Variants in BBS9 observed in about 807,000 individuals in gnomAD.
BBS9 encodes the protein Bardet-Biedl syndrome 9, also known as protein PTHB1.
A neutral mutation model predicts 117.7 loss-of-function variants in BBS9; 89 were observed. The ratio of observed to expected loss-of-function variants is 0.76; its 90% CI spans 0.64 to 0.90. The LOEUF (loss-of-function observed/expected upper bound fraction) is 0.90, where lower values mean the gene tolerates loss of function less well. Ranked by LOEUF, BBS9 falls within the 40% of genes least tolerant of loss-of-function variation. The pLI is 0.00. For synonymous variants in BBS9, 379 were observed against 370.9 expected (o/e 1.02, Z -0.25); for missense variants, 982 against 1,042.2 (o/e 0.94, Z 0.80).
At chr7:33,607,056 A>C (rs1369706277), downstream of BBS9, among the ~76,000 whole-genome samples, 41 of 152,072 alleles carry the variant, frequency 2.7e-4, no homozygotes, top group Non-Finnish European at 5.9e-5. Flanking sequence ...GCCTCTCTAC[A>C]TACCTCTCTC....
chr7:33,270,245 C>G (rs370140477), intron 7 of BBS9, among the ~76,000 whole-genome samples: 1 of 152,090 alleles, frequency 6.6e-6, no homozygotes, highest in Non-Finnish European at 1.5e-5. Flanking sequence ...AAGGAATACT[C>G]ATGCACACAG....
chr7:33,574,731 A>G (rs958532147), intron 21 of BBS9, among the ~76,000 whole-genome samples: 38 of 144,152 alleles, frequency 2.6e-4, no homozygotes, highest in East Asian at 1.8e-3. Context: ...ACACACGCGC[A>G]CACACACACA....
At chr7:33,438,292 G>A (rs1212778432) in intron 19 of BBS9, among the ~76,000 whole-genome samples, 2 of 152,104 alleles carry the variant, frequency 1.3e-5, no homozygotes, top group African/African-American at 4.8e-5. Flanking sequence ...TCCTAAGCAA[G>A]TTATAAAAAG....
At chr7:33,141,854 A>G (rs1460573188) in intron 1 of BBS9, among the ~76,000 whole-genome samples, 1 of 151,452 alleles carries the variant, frequency 6.6e-6, no homozygotes, top group African/African-American at 2.4e-5. Flanking sequence ...ATTATTTAAT[A>G]TTTTAGCTTT....
chr7:33,456,135 A>G (rs995965698), intron 19 of BBS9, among the ~76,000 whole-genome samples: 4 of 152,196 alleles, frequency 2.6e-5, no homozygotes, highest in African/African-American at 7.2e-5. Flanking sequence ...CATAGAAATA[A>G]CAGATATTTT....
intron 21 of BBS9, among the ~76,000 whole-genome samples, chr7:33,627,287 G>A (rs1357080017): frequency 6.6e-6 from 1 of 152,234 alleles, no homozygotes; most frequent in African/African-American, 2.4e-5. Context: ...GTGCATAAAG[G>A]GCAAGAGTTG....
At chr7:33,390,028 G>A (rs1826787806) in intron 19 of BBS9, among the ~76,000 whole-genome samples, 2 of 152,140 alleles carry the variant, frequency 1.3e-5, no homozygotes, top group African/African-American at 4.8e-5. Flanking sequence ...AGGCACCAAT[G>A]CCCTGTCTGT....
chr7:33,239,513 G>C (rs558982253), intron 5 of BBS9, among the ~76,000 whole-genome samples: 4 of 152,012 alleles, frequency 2.6e-5, no homozygotes, highest in Admixed American at 2.0e-4. Flanking sequence ...TGGTTCAAGC[G>C]ATTCTCCTGC....
intron 4 of BBS9, among the ~76,000 whole-genome samples, chr7:33,163,076 A>G (rs941334766): frequency 5.9e-5 from 9 of 152,198 alleles, no homozygotes; most frequent in African/African-American, 1.9e-4. Flanking sequence ...TTCTGCATCT[A>G]TTGAGATAAT....
chr7:33,501,083 T>C (rs1376579287), intron 19 of BBS9, among the ~76,000 whole-genome samples: 1 of 152,196 alleles, frequency 6.6e-6, no homozygotes, highest in East Asian at 1.9e-4. Flanking sequence ...CACATCTTGC[T>C]CAGCCAGTGA....
At chr7:33,450,410 A>T (rs973526999) in intron 19 of BBS9, among the ~76,000 whole-genome samples, 12 of 152,204 alleles carry the variant, frequency 7.9e-5, no homozygotes, top group Admixed American at 7.9e-4. Context: ...TTGCTAGATC[A>T]TGTTGTAGTT....
chr7:33,593,966 A>G (rs1020017337), intron 21 of BBS9, among the ~76,000 whole-genome samples: 2 of 152,150 alleles, frequency 1.3e-5, no homozygotes, highest in Admixed American at 1.3e-4. Flanking sequence ...CTCGCCACCA[A>G]GTGAGTCTAA....
At chr7:33,449,587 T>C (rs1032561878) in intron 19 of BBS9, among the ~76,000 whole-genome samples, 6 of 152,148 alleles carry the variant, frequency 3.9e-5, no homozygotes, top group African/African-American at 1.4e-4. Flanking sequence ...TTTGAGAGAT[T>C]CATATAAGCC....
intron 7 of BBS9, among the ~76,000 whole-genome samples, chr7:33,264,743 C>G (rs773250062): frequency 6.6e-6 from 1 of 152,062 alleles, no homozygotes; most frequent in Non-Finnish European, 1.5e-5. Flanking sequence ...TCCAGATTTT[C>G]TCTTATCACT....
At chr7:33,584,910 A>T (rs1303101043) in intron 21 of BBS9, among the ~76,000 whole-genome samples, 2 of 152,036 alleles carry the variant, frequency 1.3e-5, no homozygotes, top group South Asian at 2.1e-4. Context: ...TCATTCTTTT[A>T]ATTATTTTTC....
intron 2 of BBS9, among the ~76,000 whole-genome samples, chr7:33,151,488 A>T (rs929113608): frequency 3.3e-5 from 5 of 152,150 alleles, no homozygotes; most frequent in Non-Finnish European, 7.4e-5. Context: ...ATGGCTCCAG[A>T]GACCTTGTAA....
At chr7:33,481,116 A>C (rs531779510) in intron 19 of BBS9, among the ~76,000 whole-genome samples, 2 of 152,228 alleles carry the variant, frequency 1.3e-5, no homozygotes, top group Non-Finnish European at 2.9e-5. Flanking sequence ...TAAGGGATAC[A>C]TGAATGAAGA....
intron 19 of BBS9, among the ~76,000 whole-genome samples, chr7:33,446,618 GA>G (rs1362274344): frequency 6.6e-6 from 1 of 152,152 alleles, no homozygotes; most frequent in Non-Finnish European, 1.5e-5. Flanking sequence ...AGAAAAGGTA[GA>G]AAGTGATTAA....
Position 33,343,405 on chromosome 7 carries a change from C to T in BBS9, c.1276-1176C>T, listed in dbSNP as rs371388612. ...CTTTAAGAGGAAGGAGCAGGTAACA[C>T]GAGGTGACGCTCAAAGAATGCCTAT... On this transcript the variant is annotated intron_variant, in intron 11 of 22. Coordinates refer to ENST00000242067, the MANE Select transcript of BBS9 (RefSeq NM_198428.3). 7.8e-4 allele frequency among the ~76,000 whole-genome samples: 118 copies of T among 152,218 alleles called. 1 individual carries two copies. The highest frequency in any genetic ancestry group is 1.2e-4 in the Non-Finnish European group (8 of 68,008).
Sources: gnomAD v4.1 joint callset for allele counts (sites outside exome capture counted in the v4.1 genomes callset) on GRCh38, gnomAD v4.1.1 for gene constraint, MANE v1.5 for transcripts, NCBI Gene and HGNC (gene_info 2026-07-23, HGNC 2026-07-21) for gene names.